The following PTPRG variants were observed in gnomAD, a reference collection of about 807,000 sequenced individuals.
The protein encoded by PTPRG is receptor-type tyrosine-protein phosphatase gamma.
Under a neutral mutation model 165.3 loss-of-function variants are expected in PTPRG, and 102 were observed. That is an observed-to-expected ratio of 0.62 (90% CI 0.53 to 0.73). PTPRG has a LOEUF of 0.73. PTPRG is among the 30% of genes least tolerant of loss of function. The probability of loss-of-function intolerance (pLI) is 0.00; values close to 1 mark genes in which losing one functional copy is unlikely to be tolerated. For synonymous variants in PTPRG, 675 were observed against 669.5 expected (o/e 1.01, Z -0.13); for missense variants, 1,866 against 1,861.4 (o/e 1.00, Z -0.05).
intron 5 of PTPRG, chr3:62,124,111 T>G (rs971585017): frequency 3.4e-5 from 19 of 561,234 alleles, no homozygotes; most frequent in Non-Finnish European, 5.7e-5. Context: ...GTCCTCCTTG[T>G]GAAATGGTTG....
chr3:61,810,191 G>A (rs567715973), intron 2 of PTPRG, among the ~76,000 whole-genome samples: 1 of 152,278 alleles, frequency 6.6e-6, no homozygotes, highest in South Asian at 2.1e-4. Context: ...AGAACAATAC[G>A]ACTGGTACAG....
At chr3:62,073,848 C>G (rs1449382465) in intron 4 of PTPRG, among the ~76,000 whole-genome samples, 3 of 152,130 alleles carry the variant, frequency 2.0e-5, no homozygotes, top group Admixed American at 2.0e-4. Context: ...GAAAGAGGCT[C>G]AGTAACTGTT....
intron 2 of PTPRG, 200 bp downstream of exon 2, chr3:61,749,182 C>G: frequency 1.5e-6 from 1 of 678,308 alleles, no homozygotes; most frequent in Non-Finnish European, 2.7e-6. Context: ...CCTGTTTCCT[C>G]AACCTGTTTT....
chr3:61,940,592 A>C (rs973206668), intron 2 of PTPRG, among the ~76,000 whole-genome samples: 2 of 151,924 alleles, frequency 1.3e-5, no homozygotes, highest in African/African-American at 4.8e-5. Context: ...AGAATTACAC[A>C]TTTCTCAAGG....
chr3:61,959,964 C>T (rs544237059), intron 2 of PTPRG, among the ~76,000 whole-genome samples: 1 of 152,282 alleles, frequency 6.6e-6, no homozygotes, highest in South Asian at 2.1e-4. Context: ...TCCTCTGCAG[C>T]TTCTGTTCAT....
At chr3:62,160,606 A>G (rs935689546) in intron 7 of PTPRG, among the ~76,000 whole-genome samples, 3 of 152,270 alleles carry the variant, frequency 2.0e-5, no homozygotes, top group African/African-American at 7.2e-5. Flanking sequence ...GATCAGTCAT[A>G]GAAGATGATT....
At chr3:61,722,527 A>G (rs1035943857) in intron 1 of PTPRG, among the ~76,000 whole-genome samples, 2 of 152,192 alleles carry the variant, frequency 1.3e-5, no homozygotes, top group Non-Finnish European at 2.9e-5. Context: ...AGGATGGGGC[A>G]TCCAGCCCAC....
At chr3:62,284,483 T>C (rs957021444) in intron 28 of PTPRG, among the ~76,000 whole-genome samples, 3 of 152,142 alleles carry the variant, frequency 2.0e-5, no homozygotes, top group Non-Finnish European at 4.4e-5. Context: ...CCAGTAGAAA[T>C]GTATTAATTC....
At chr3:61,659,403 T>C (rs993566115) in intron 1 of PTPRG, 1 of 985,206 alleles carries the variant, frequency 1.0e-6, no homozygotes, top group African/African-American at 1.7e-5. Flanking sequence ...GAAGATAGTT[T>C]GATGAGGCTG....
chr3:61,901,673 T>C (rs1270348070), intron 2 of PTPRG, among the ~76,000 whole-genome samples: 1 of 152,168 alleles, frequency 6.6e-6, no homozygotes, highest in Non-Finnish European at 1.5e-5. Context: ...GATTCTTCAA[T>C]CCAGCAAGCT....
intron 2 of PTPRG, among the ~76,000 whole-genome samples, chr3:61,977,105 A>G (rs2040527469): frequency 1.3e-5 from 2 of 152,086 alleles, no homozygotes; most frequent in African/African-American, 4.8e-5. Context: ...TGAGATTTTA[A>G]TACCACAGAT....
At chr3:61,648,176 A>G (rs2365929) in intron 1 of PTPRG, among the ~76,000 whole-genome samples, 116,749 of 152,156 alleles carry the variant, frequency 0.77, 44,822 homozygotes, top group South Asian at 0.8. Flanking sequence ...GTGGACCCCC[A>G]TGGTGATGAA....
At chr3:61,943,045 T>A (rs1361895882) in intron 2 of PTPRG, among the ~76,000 whole-genome samples, 1 of 152,246 alleles carries the variant, frequency 6.6e-6, no homozygotes. Flanking sequence ...CCAGGTATGC[T>A]TGTTGGTCAT....
At chr3:62,267,919 G>C in intron 19 of PTPRG, 100 bp downstream of exon 19, 1 of 1,365,586 alleles carries the variant, frequency 7.3e-7, no homozygotes. Context: ...GGTATAAAGA[G>C]TTACGGAAAT....
At chr3:62,124,416 G>A (rs1703206984) in intron 5 of PTPRG, 1 of 1,613,776 alleles carries the variant, frequency 6.2e-7, no homozygotes, top group African/African-American at 1.3e-5. Context: ...ACGTGCTGCA[G>A]GATTTCCATC....
chr3:62,022,523 G>T (rs2041721557), intron 4 of PTPRG, among the ~76,000 whole-genome samples: 1 of 152,148 alleles, frequency 6.6e-6, no homozygotes, highest in South Asian at 2.1e-4. Flanking sequence ...GTAGATTACG[G>T]TGTGAACGAT....
At chr3:61,919,553 G>C (rs755708591) in intron 2 of PTPRG, among the ~76,000 whole-genome samples, 9 of 152,176 alleles carry the variant, frequency 5.9e-5, no homozygotes, top group Admixed American at 1.3e-4. Flanking sequence ...GCCCACAGCT[G>C]TCACAATCCA....
chr3:62,208,830 CTGCCTAT>C, intron 12 of PTPRG, among the ~76,000 whole-genome samples: 1 of 152,334 alleles, frequency 6.6e-6, no homozygotes, highest in African/African-American at 2.4e-5. Flanking sequence ...TGTGCTAGCC[CTGCCTAT>C]GCAGAAGGCC....
chr3:61,835,291 C>A (rs1234930859), intron 2 of PTPRG, among the ~76,000 whole-genome samples: 5 of 152,126 alleles, frequency 3.3e-5, no homozygotes, highest in Non-Finnish European at 5.9e-5. Context: ...TCTACTGTTA[C>A]TTTCTCCTGC....
Sources: allele counts gnomAD v4.1 joint callset (sites outside exome capture counted in the v4.1 genomes callset), GRCh38; gene constraint gnomAD v4.1.1; transcripts MANE v1.5; gene names NCBI Gene and HGNC (gene_info 2026-07-23, HGNC 2026-07-21).